The following APMAP variants were observed in gnomAD, a reference collection of about 807,000 sequenced individuals.
The protein encoded by APMAP is adipocyte plasma membrane-associated protein.
In APMAP, 33 loss-of-function variants were observed where a neutral mutation model predicts 43.6. The observed-to-expected ratio is 0.76, with a 90% CI of 0.57 to 1.01. The LOEUF is 1.01. APMAP is among the 50% of genes least tolerant of loss of function. The pLI is 0.00. For missense variants in APMAP, 498 were observed against 540.7 expected, an observed-to-expected ratio of 0.92 and a Z score of 0.78; for synonymous variants, 224 against 216.7, an observed-to-expected ratio of 1.03 and a Z score of -0.30.
At chr20:24,991,140 C>T (rs1209376822) in intron 1 of APMAP, among the ~76,000 whole-genome samples, 1 of 152,204 alleles carries the variant, frequency 6.6e-6, no homozygotes, top group Non-Finnish European at 1.5e-5. Flanking sequence ...TAACCGGTGC[C>T]CTCAGGGGCT....
chr20:24,975,174 G>C (rs566609432), intron 3 of APMAP, among the ~76,000 whole-genome samples: 1 of 152,248 alleles, frequency 6.6e-6, no homozygotes, highest in Admixed American at 6.5e-5. Flanking sequence ...TGAAGACCTA[G>C]CTAATGCAGT....
At chr20:24,982,831 A>ACCCCCCCCCCCCCC (rs3086643) in intron 2 of APMAP, among the ~76,000 whole-genome samples, 1 of 141,888 alleles carries the variant, frequency 7.0e-6, no homozygotes, top group Non-Finnish European at 1.5e-5. Context: ...ACATCAGGGG[A>ACCCCCCCCCCCCCC]CCCCCCCCCG....
chr20:24,980,692 A>C (rs571483995), intron 2 of APMAP, among the ~76,000 whole-genome samples: 1 of 151,486 alleles, frequency 6.6e-6, no homozygotes, highest in Admixed American at 6.6e-5. Context: ...TGTCACCTCT[A>C]CACACTGGGC....
intron 1 of APMAP, among the ~76,000 whole-genome samples, chr20:24,985,128 C>G (rs1234098700): frequency 6.6e-6 from 1 of 152,188 alleles, no homozygotes; most frequent in Non-Finnish European, 1.5e-5. Context: ...TTCCCAACAA[C>G]CAGCCAGGGA....
At chr20:24,967,295 A>C (rs1264043520) in intron 8 of APMAP, among the ~76,000 whole-genome samples, 1 of 152,186 alleles carries the variant, frequency 6.6e-6, no homozygotes, top group East Asian at 1.9e-4. Flanking sequence ...GCTCCGTCTC[A>C]AAAACAAAAA....
chr20:24,979,246 C>A (rs1179073736), intron 2 of APMAP, among the ~76,000 whole-genome samples: 1 of 152,142 alleles, frequency 6.6e-6, no homozygotes, highest in Non-Finnish European at 1.5e-5. Flanking sequence ...CTGGAGTCTA[C>A]CTAGGGTGGT....
At chr20:24,966,250 G>GCTC (rs1322012073) in intron 8 of APMAP, among the ~76,000 whole-genome samples, 1 of 152,214 alleles carries the variant, frequency 6.6e-6, no homozygotes, top group Non-Finnish European at 1.5e-5. Context: ...CACTGAAGGG[G>GCTC]CTCCTCCTGG....
chr20:24,976,680 C>T (rs528964823), intron 3 of APMAP, among the ~76,000 whole-genome samples: 102 of 152,300 alleles, frequency 6.7e-4, no homozygotes, highest in Middle Eastern at 6.8e-3. Flanking sequence ...TTATGCTTTT[C>T]GGTATTTACC....
chr20:24,968,086 A>G (rs2087961631), intron 8 of APMAP, among the ~76,000 whole-genome samples: 1 of 152,220 alleles, frequency 6.6e-6, no homozygotes. Flanking sequence ...TAAAATACCT[A>G]TTCAGCCTGT....
At chr20:24,980,388 G>A (rs2088092107) in intron 2 of APMAP, among the ~76,000 whole-genome samples, 1 of 152,224 alleles carries the variant, frequency 6.6e-6, no homozygotes, top group Non-Finnish European at 1.5e-5. Flanking sequence ...GGGGCAATTG[G>A]TGCCATGCTA....
chr20:24,966,667 G>A (rs138502346), intron 8 of APMAP, among the ~76,000 whole-genome samples: 1 of 152,174 alleles, frequency 6.6e-6, no homozygotes, highest in Non-Finnish European at 1.5e-5. Context: ...AAAAAGACAG[G>A]AGCTGAATAT....
chr20:24,977,190 C>T (rs1008674449), intron 3 of APMAP, among the ~76,000 whole-genome samples: 7 of 152,212 alleles, frequency 4.6e-5, no homozygotes, highest in African/African-American at 1.2e-4. Context: ...GTACTATTGA[C>T]GTATTGATGT....
intron 2 of APMAP, among the ~76,000 whole-genome samples, 186 bp downstream of exon 2, chr20:24,983,717 T>C (rs1036096077): frequency 1.3e-5 from 2 of 152,188 alleles, no homozygotes; most frequent in African/African-American, 2.4e-5. Context: ...GAAAATACCA[T>C]GCATATTTCC....
chr20:24,987,956 A>G (rs2088162437), intron 1 of APMAP, among the ~76,000 whole-genome samples: 2 of 152,188 alleles, frequency 1.3e-5, no homozygotes, highest in Non-Finnish European at 2.9e-5. Context: ...CAAGTAAATG[A>G]CAGAAACGCT....
At chr20:24,992,565 C>A in intron 1 of APMAP, 29 bp downstream of exon 1, 1 of 1,468,942 alleles carries the variant, frequency 6.8e-7, no homozygotes, top group Non-Finnish European at 9.1e-7. Flanking sequence ...CGGCCCGGCT[C>A]CAGCGCCCAG....
intron 8 of APMAP, among the ~76,000 whole-genome samples, chr20:24,967,593 AAG>A (rs2087957036): frequency 6.6e-6 from 1 of 152,244 alleles, no homozygotes; most frequent in African/African-American, 2.4e-5. Context: ...TATTCAGGGG[AAG>A]AGACACAACC....
At position 24,970,181 on chromosome 20, in the gene APMAP, T is replaced by A; in HGVS notation, c.713+16A>T. 1 of 1,613,790 alleles carries A rather than the reference T, an allele frequency of 6.2e-7. No individual in the cohort carries two copies. On this transcript the variant is annotated intron_variant, in intron 6 of 8. Transcript: ENST00000217456. ...TGGTGAACTCAACAAATGGGAGACCTGGAGCAAGGCCTCACCGCCCGTCAT... is the reference window on the plus strand; with the variant it reads ...TGGTGAACTCAACAAATGGGAGACCAGGAGCAAGGCCTCACCGCCCGTCAT...
At chr20:24,974,619 G>A (rs933521460) in intron 3 of APMAP, among the ~76,000 whole-genome samples, 4 of 152,030 alleles carry the variant, frequency 2.6e-5, no homozygotes, top group African/African-American at 9.7e-5. Flanking sequence ...TAAATATAAA[G>A]ACATATATAG....
At chr20:24,965,903 GTGGTGTTGTCA>G (rs769981394) in intron 8 of APMAP, among the ~76,000 whole-genome samples, 3 of 152,234 alleles carry the variant, frequency 2.0e-5, no homozygotes, top group Non-Finnish European at 4.4e-5. Flanking sequence ...GATCAGTCCT[GTGGTGTTGTCA>G]TGGTTTTCAA....
Sources: gnomAD v4.1 joint callset for allele counts (sites outside exome capture counted in the v4.1 genomes callset) on GRCh38, gnomAD v4.1.1 for gene constraint, MANE v1.5 for transcripts, NCBI Gene and HGNC (gene_info 2026-07-23, HGNC 2026-07-21) for gene names.